MEOX2: variants seen among roughly 807,000 people sequenced by gnomAD.
MEOX2 encodes homeobox protein MOX-2.
In MEOX2, 11 loss-of-function variants were observed where a neutral mutation model predicts 27.0. That is an observed-to-expected ratio of 0.41 (90% CI 0.26 to 0.68). MEOX2 has a LOEUF of 0.68. Ranked by LOEUF, MEOX2 falls within the 30% of genes least tolerant of loss-of-function variation. The pLI is 0.33. For synonymous variants in MEOX2, 189 were observed against 155.4 expected, an observed-to-expected ratio of 1.22 and a Z score of -1.61; for missense variants, 436 against 385.4, an observed-to-expected ratio of 1.13 and a Z score of -1.10.
intron 1 of MEOX2, among the ~76,000 whole-genome samples, chr7:15,659,189 T>G (rs955244576): frequency 6.6e-6 from 1 of 152,136 alleles, no homozygotes; most frequent in African/African-American, 2.4e-5. Context: ...TTATTGTTTT[T>G]GTAGAGATGA....
intron 1 of MEOX2, among the ~76,000 whole-genome samples, chr7:15,656,929 C>T (rs1401188141): frequency 6.6e-6 from 1 of 151,836 alleles, no homozygotes; most frequent in Non-Finnish European, 1.5e-5. Flanking sequence ...GTCATGATCT[C>T]CCTGTCATTC....
rs762531573 is a variant in MEOX2, at chr7:15,686,306, A to C, written c.97T>G (p.Ser33Ala). ...AGCTCGGGGTAAGACATATGGTCAG[A>C]TCTTCCATGGAGGGCGAGAGAGGAT... is the stretch of plus-strand genomic sequence containing the variant. ...SQSSLALHGR[S>A]DHMSYPELST... The change falls in exon 1 of 3, where the codon TCT becomes GCT. Residue 33 changes from serine (S) to alanine (A), a missense_variant. Transcript: ENST00000262041. The C allele has an allele frequency of 6.2e-7, 1 of 1,610,552 alleles. No individual in the cohort carries two copies. The highest frequency in any genetic ancestry group is 8.5e-7 in the Non-Finnish European group (1 of 1,178,242).
chr7:15,678,038 A>T (rs771033153), intron 1 of MEOX2, among the ~76,000 whole-genome samples: 3 of 152,172 alleles, frequency 2.0e-5, no homozygotes, highest in African/African-American at 7.2e-5. Context: ...ACAAGACTGT[A>T]ATCTTAGAAA....
chr7:15,676,476 A>G (rs1406269639), intron 1 of MEOX2, among the ~76,000 whole-genome samples: 3 of 152,176 alleles, frequency 2.0e-5, no homozygotes, highest in African/African-American at 7.2e-5. Flanking sequence ...TTAACAGCTA[A>G]AACAGAGACC....
At chr7:15,642,137 A>T (rs536206307) in intron 1 of MEOX2, among the ~76,000 whole-genome samples, 131 of 152,032 alleles carry the variant, frequency 8.6e-4, no homozygotes, top group Non-Finnish European at 1.7e-3. Flanking sequence ...CTGCATTTCT[A>T]ATTTCTGGAT....
At chr7:15,666,751 CAAAAAAAAAAAAAAAAA>C (rs61294753) in intron 1 of MEOX2, among the ~76,000 whole-genome samples, 6 of 63,068 alleles carry the variant, frequency 9.5e-5, no homozygotes, top group African/African-American at 5.5e-4. Flanking sequence ...GACTCTGTCT[CAAAAAAAAAAAAAAAAA>C]AAAAAAAAAA....
intron 2 of MEOX2, among the ~76,000 whole-genome samples, chr7:15,624,401 T>G (rs192627785): frequency 7.4e-4 from 113 of 152,334 alleles, no homozygotes; most frequent in African/African-American, 2.4e-3. Context: ...TTAGATTATT[T>G]CAGGAATGAC....
chr7:15,621,497 G>A (rs1453876469), intron 2 of MEOX2, among the ~76,000 whole-genome samples: 1 of 152,112 alleles, frequency 6.6e-6, no homozygotes, highest in Non-Finnish European at 1.5e-5. Flanking sequence ...TGACATCTTT[G>A]TGTGATTCCA....
intron 2 of MEOX2, among the ~76,000 whole-genome samples, chr7:15,614,589 G>A (rs1314797806): frequency 6.6e-6 from 1 of 152,030 alleles, no homozygotes; most frequent in Non-Finnish European, 1.5e-5. Context: ...TGTTTCATCT[G>A]TGTTCATAAA....
chr7:15,677,001 G>A (rs1782205437), intron 1 of MEOX2, among the ~76,000 whole-genome samples: 1 of 152,150 alleles, frequency 6.6e-6, no homozygotes, highest in Admixed American at 6.5e-5. Context: ...GCTGTGGAAT[G>A]GAAATCTTAA....
chr7:15,674,560 G>GTT (rs1422720989), intron 1 of MEOX2, among the ~76,000 whole-genome samples: 1 of 130,224 alleles, frequency 7.7e-6, no homozygotes, highest in Admixed American at 7.1e-5. Context: ...AAGATTCTGT[G>GTT]TGTGTGTGTG....
At chr7:15,634,647 A>G (rs970196901) in intron 1 of MEOX2, among the ~76,000 whole-genome samples, 2 of 151,998 alleles carry the variant, frequency 1.3e-5, no homozygotes, top group Admixed American at 6.6e-5. Flanking sequence ...GAAGACATCA[A>G]TAACTTTCAG....
chr7:15,672,721 T>A (rs1371195213), intron 1 of MEOX2, among the ~76,000 whole-genome samples: 1 of 151,846 alleles, frequency 6.6e-6, no homozygotes, highest in Non-Finnish European at 1.5e-5. Context: ...TGAAACCCCA[T>A]CTCTACTAAA....
rs528672271 is a variant in MEOX2, at chr7:15,686,671, G to C, written c.-269C>G. Reference sequence around the variant, plus strand: ...TTGAAGCCAAAAGAAGGTGGTCCCAGAGAACTGCTTTCAGGGGGAAATGGC... The same window carrying C: ...TTGAAGCCAAAAGAAGGTGGTCCCACAGAACTGCTTTCAGGGGGAAATGGC... On this transcript the variant is annotated 5_prime_UTR_variant, in exon 1 of 3. Transcript: ENST00000262041. 3 of 491,592 alleles carry C rather than the reference G, an allele frequency of 6.1e-6. No homozygotes were observed. The highest frequency in any genetic ancestry group is 7.2e-5 in the Admixed American group (2 of 27,874). 30.5% of individuals were successfully genotyped at this position (491,592 alleles called of 1,614,324 possible). A position where few individuals can be genotyped will look rare whatever the true frequency, so the allele number is the denominator to read the frequency against.
rs1346517896 is a variant in MEOX2, at chr7:15,612,414, G to A, written c.888C>T (p.Asp296=). The change falls in exon 3 of 3, where the codon GAC becomes GAT. Residue 296 remains aspartate, a synonymous_variant. Coordinates refer to ENST00000262041, the MANE Select transcript of MEOX2 (RefSeq NM_005924.5). The part of the protein sequence containing the change: ...SIANEDSHDS[D]HSSEHAHL ...ATAAGTGCGCATGCTCTGAGCTGTG[G>A]TCACTGTCGTGACTGTCTTCATTTG... 1 of 1,614,102 alleles carries A rather than the reference G, an allele frequency of 6.2e-7. No individual in the cohort carries two copies. The highest frequency in any genetic ancestry group is 8.5e-7 in the Non-Finnish European group (1 of 1,180,012).
At chr7:15,667,010 G>T (rs73060510) in intron 1 of MEOX2, among the ~76,000 whole-genome samples, 29,257 of 150,352 alleles carry the variant, frequency 0.19, 3,488 homozygotes, top group East Asian at 0.37. Flanking sequence ...TAGGAAATAA[G>T]GCTGGGTGCA....
chr7:15,618,615 C>A (rs1170380249), intron 2 of MEOX2, among the ~76,000 whole-genome samples: 10 of 151,730 alleles, frequency 6.6e-5, no homozygotes. Flanking sequence ...CGGAACTAAT[C>A]CTTTATATAA....
rs116252849 is a variant in MEOX2, at chr7:15,633,625, A to T, written c.518-6707T>A. 2.9e-3 allele frequency among the ~76,000 whole-genome samples: 440 copies of T among 152,044 alleles called. 1 individual carries two copies. The highest frequency in any genetic ancestry group is 0.01 in the African/African-American group (428 of 41,540). On this transcript the variant is annotated intron_variant, in intron 1 of 2. Transcript: ENST00000262041. Reference sequence around the variant, plus strand: ...TTTATATTATGAAAGACAAGTCCACACCTTCTCAGAGTGTAAGGACTAGCA... The same window carrying T: ...TTTATATTATGAAAGACAAGTCCACTCCTTCTCAGAGTGTAAGGACTAGCA...
chr7:15,678,646 C>T (rs1782242160), intron 1 of MEOX2, among the ~76,000 whole-genome samples: 1 of 152,204 alleles, frequency 6.6e-6, no homozygotes. Context: ...CAAGCTACCT[C>T]AACAGACTCT....
Sources: allele counts gnomAD v4.1 joint callset (sites outside exome capture counted in the v4.1 genomes callset), GRCh38; gene constraint gnomAD v4.1.1; transcripts MANE v1.5; gene names NCBI Gene and HGNC (gene_info 2026-07-23, HGNC 2026-07-21).